RSPO3: variants seen among roughly 807,000 people sequenced by gnomAD.
The protein encoded by RSPO3 is R-spondin-3.
Under a neutral mutation model 36.5 loss-of-function variants are expected in RSPO3, and 17 were observed. That is an observed-to-expected ratio of 0.47 (90% CI 0.32 to 0.70). RSPO3 has a LOEUF of 0.70. Among genes scored for constraint, RSPO3 ranks in the 30% least tolerant of loss-of-function variants. The pLI is 0.04. For synonymous variants in RSPO3, 108 were observed against 107.0 expected (o/e 1.01, Z -0.06); for missense variants, 294 against 322.5 (o/e 0.91, Z 0.68).
chr6:127,166,727 T>G (rs1398918931), intron 4 of RSPO3, among the ~76,000 whole-genome samples: 3 of 151,990 alleles, frequency 2.0e-5, no homozygotes, highest in Non-Finnish European at 4.4e-5. Context: ...GCCAGATTAT[T>G]TTTCAAAAAG....
chr6:127,168,813 A>G (rs1774877000), intron 4 of RSPO3, among the ~76,000 whole-genome samples: 1 of 152,140 alleles, frequency 6.6e-6, no homozygotes, highest in African/African-American at 2.4e-5. Context: ...AGCTTTCTAC[A>G]TATGGCTAGC....
chr6:127,171,841 A>G (rs1486809879), intron 4 of RSPO3, among the ~76,000 whole-genome samples: 1 of 151,742 alleles, frequency 6.6e-6, no homozygotes, highest in African/African-American at 2.4e-5. Context: ...TCAAATTCAG[A>G]AAAATCTCAG....
At chr6:127,155,840 G>A (rs117429984) in intron 4 of RSPO3, among the ~76,000 whole-genome samples, 2,216 of 151,416 alleles carry the variant, frequency 0.015, 78 homozygotes, top group Admixed American at 0.083. Flanking sequence ...GCAAACCAAA[G>A]TAGTGAAATG....
chr6:127,158,039 A>G (rs1290154630), intron 4 of RSPO3, among the ~76,000 whole-genome samples: 1 of 150,948 alleles, frequency 6.6e-6, no homozygotes, highest in African/African-American at 2.4e-5. Flanking sequence ...AATATATAAT[A>G]AAAATATCTT....
At chr6:127,147,222 C>G (rs547636347) in intron 1 of RSPO3, among the ~76,000 whole-genome samples, 59 of 152,284 alleles carry the variant, frequency 3.9e-4, no homozygotes, top group Middle Eastern at 3.4e-3. Context: ...CTGTAACTAA[C>G]CCGTGCACCC....
intron 4 of RSPO3, among the ~76,000 whole-genome samples, chr6:127,191,655 G>T (rs1009040496): frequency 6.6e-6 from 1 of 151,996 alleles, no homozygotes; most frequent in African/African-American, 2.4e-5. Flanking sequence ...AAAAATTAAG[G>T]CTCAAAAATA....
At chr6:127,192,592 G>T (rs1001330093) in intron 4 of RSPO3, 3 of 892,566 alleles carry the variant, frequency 3.4e-6, no homozygotes, top group Non-Finnish European at 4.0e-6. Context: ...GATTGTACTT[G>T]ACTGCTAATA....
At chr6:127,177,624 T>C (rs1000011202) in intron 4 of RSPO3, among the ~76,000 whole-genome samples, 1 of 151,832 alleles carries the variant, frequency 6.6e-6, no homozygotes, top group African/African-American at 2.4e-5. Flanking sequence ...ACTATAGGAA[T>C]GAATAAGAGC....
At chr6:127,187,389 C>G (rs1053004108) in intron 4 of RSPO3, among the ~76,000 whole-genome samples, 1 of 152,040 alleles carries the variant, frequency 6.6e-6, no homozygotes, top group Non-Finnish European at 1.5e-5. Context: ...TATTCAGGGT[C>G]ATTTTTTTAA....
chr6:127,130,532 G>A (rs1422315420), intron 1 of RSPO3, among the ~76,000 whole-genome samples: 1 of 152,072 alleles, frequency 6.6e-6, no homozygotes, highest in African/African-American at 2.4e-5. Context: ...CTGTCCTTGT[G>A]CACTGCACAC....
At chr6:127,156,169 GCATATTTCTTTT>G (rs562942235) in intron 4 of RSPO3, among the ~76,000 whole-genome samples, 10 of 152,122 alleles carry the variant, frequency 6.6e-5, no homozygotes, top group East Asian at 1.9e-4. Flanking sequence ...TTTTCATATT[GCATATTTCTTTT>G]CATATTTCTT....
chr6:127,130,183 C>T (rs1251343883), intron 1 of RSPO3, among the ~76,000 whole-genome samples: 1 of 152,048 alleles, frequency 6.6e-6, no homozygotes, highest in Non-Finnish European at 1.5e-5. Flanking sequence ...ACTCAAGTAG[C>T]ACAAAAGTAT....
intron 3 of RSPO3, among the ~76,000 whole-genome samples, chr6:127,151,795 A>C (rs999484871): frequency 6.6e-6 from 1 of 152,116 alleles, no homozygotes; most frequent in Non-Finnish European, 1.5e-5. Flanking sequence ...AAAAAAAGCA[A>C]CTTAGGAATA....
At chr6:127,139,297 T>C (rs1228770752) in intron 1 of RSPO3, among the ~76,000 whole-genome samples, 4 of 152,232 alleles carry the variant, frequency 2.6e-5, no homozygotes, top group Admixed American at 2.0e-4. Context: ...GTCTCTCACT[T>C]GCTGTTTACT....
At position 127,119,119 on chromosome 6, in the gene RSPO3, T is replaced by C. The variant is rs1773780422; in HGVS notation, c.-74T>C. On this transcript the variant is annotated 5_prime_UTR_variant, in exon 1 of 5. Transcript: ENST00000356698. ...TCTATATACGCCTAACACCTACATA[T>C]ATTTTAAAAACATTAAATATAATTA... The C allele has an allele frequency of 8.3e-7, 1 of 1,202,482 alleles. No individual in the cohort carries two copies. The highest frequency in any genetic ancestry group is 1.2e-6 in the Non-Finnish European group (1 of 823,486). 74.5% of individuals were successfully genotyped at this position (1,202,482 alleles called of 1,614,324 possible).
chr6:127,123,386 C>T (rs897286359), intron 1 of RSPO3, among the ~76,000 whole-genome samples: 2 of 152,120 alleles, frequency 1.3e-5, no homozygotes, highest in Non-Finnish European at 2.9e-5. Flanking sequence ...TTTAAAGATA[C>T]AGACACGAAT....
At chr6:127,133,731 A>G (rs1375557870) in intron 1 of RSPO3, among the ~76,000 whole-genome samples, 3 of 152,148 alleles carry the variant, frequency 2.0e-5, no homozygotes, top group Non-Finnish European at 4.4e-5. Context: ...CAAGGCAAAA[A>G]AGGAATCTTG....
chr6:127,192,189 A>G (rs966795472), intron 4 of RSPO3, among the ~76,000 whole-genome samples: 4 of 152,168 alleles, frequency 2.6e-5, no homozygotes, highest in African/African-American at 9.7e-5. Flanking sequence ...CCTCTATTTT[A>G]GCATTAACAT....
At chr6:127,131,436 T>C (rs2800710) in intron 1 of RSPO3, among the ~76,000 whole-genome samples, 82,653 of 151,866 alleles carry the variant, frequency 0.54, 22,545 homozygotes, top group African/African-American at 0.61. Flanking sequence ...CTTCATGTAA[T>C]AGTTTTTACC....
Sources: allele counts gnomAD v4.1 joint callset (sites outside exome capture counted in the v4.1 genomes callset), GRCh38; gene constraint gnomAD v4.1.1; transcripts MANE v1.5; gene names NCBI Gene and HGNC (gene_info 2026-07-23, HGNC 2026-07-21).